The following NRG4 variants were observed in gnomAD, a reference collection of about 807,000 sequenced individuals.
The protein encoded by NRG4 is pro-neuregulin-4, membrane-bound isoform.
In NRG4, 10 loss-of-function variants were observed where a neutral mutation model predicts 15.0. The ratio of observed to expected loss-of-function variants is 0.67; its 90% confidence interval spans 0.41 to 1.13. NRG4 has a LOEUF of 1.13. Among genes scored for constraint, NRG4 ranks in the 50% most tolerant of loss-of-function variants. The pLI is 0.00. For synonymous variants in NRG4, 41 were observed against 50.1 expected, an observed-to-expected ratio of 0.82 and a Z score of 0.77; for missense variants, 139 against 140.2, an observed-to-expected ratio of 0.99 and a Z score of 0.04.
chr15:76,035,102 A>T (rs1030787051), intron 5 of NRG4, among the ~76,000 whole-genome samples: 1 of 152,210 alleles, frequency 6.6e-6, no homozygotes, highest in Non-Finnish European at 1.5e-5. Flanking sequence ...GTCTGGAGGT[A>T]GGTAGTCCAA....
intron 5 of NRG4, among the ~76,000 whole-genome samples, chr15:76,029,181 A>G (rs1450561474): frequency 1.3e-5 from 2 of 152,226 alleles, no homozygotes; most frequent in Non-Finnish European, 2.9e-5. Context: ...TATAATCAAC[A>G]GAATGAAGGA....
intron 2 of NRG4, 101 bp downstream of exon 2, chr15:76,011,120 G>A (rs772152058): frequency 5.0e-5 from 51 of 1,010,064 alleles, no homozygotes; most frequent in Non-Finnish European, 6.7e-5. Context: ...CAATGATGTT[G>A]GAAGGGAATA....
chr15:76,011,282 A>G lies in NRG4; in HGVS notation c.-52T>C. The G allele has an allele frequency of 7.2e-7, 1 of 1,383,726 alleles. No homozygotes were observed. The highest frequency in any genetic ancestry group is 9.5e-7 in the Non-Finnish European group (1 of 1,054,688). The allele number at this position is 1,383,726 out of a possible 1,614,324, so 85.7% of individuals were successfully genotyped here. ...GGTCAAGAGAGTAGGGTTGAAAAAC[A>G]GTACCTAAAACGGTTTAAAAAGTAA... On this transcript the variant is annotated 5_prime_UTR_variant, in exon 2 of 6. Coordinates refer to ENST00000394907, the MANE Select transcript of NRG4 (RefSeq NM_138573.4).
intron 5 of NRG4, among the ~76,000 whole-genome samples, chr15:76,035,105 T>C (rs956577984): frequency 6.6e-6 from 1 of 152,204 alleles, no homozygotes; most frequent in Admixed American, 6.5e-5. Flanking sequence ...TGGAGGTAGG[T>C]AGTCCAAAGC....
intron 4 of NRG4, among the ~76,000 whole-genome samples, chr15:75,957,732 AGACACACACACT>A (rs1162982557): frequency 1.3e-5 from 2 of 152,122 alleles, no homozygotes; most frequent in African/African-American, 2.4e-5. Context: ...AACATAAGGT[AGACACACACACT>A]CTGGTCACCA....
rs943407708 is a variant in NRG4, at chr15:75,977,725, C to T, written c.105-15751G>A. Reference sequence around the variant, plus strand: ...AATCACCTGCCTTCTGCATTGGTCTCGCTGGGAGCTGCAGACCAGAGCTGT... The same window carrying T: ...AATCACCTGCCTTCTGCATTGGTCTTGCTGGGAGCTGCAGACCAGAGCTGT... On this transcript the variant is annotated intron_variant, in intron 3 of 5. Transcript: ENST00000394907. This position sits in a 1 kb window ranked among gnomAD's most constrained non-coding sequence, Gnocchi z 4.9. Among the ~76,000 whole-genome samples the T allele has an allele frequency of 2.6e-5, 4 of 152,208 alleles. No individual in the cohort carries two copies. Among genetic ancestry groups the T allele is most frequent in the South Asian group, 2.1e-4 (1 of 4,824 alleles).
intron 5 of NRG4, among the ~76,000 whole-genome samples, chr15:76,023,130 CCACACA>C (rs10572540): frequency 0.072 from 8,656 of 119,978 alleles, 319 homozygotes; most frequent in Middle Eastern, 0.14. Flanking sequence ...CACCCATACT[CCACACA>C]CACACACACA....
At chr15:75,962,738 A>G (rs1202072899) in intron 3 of NRG4, among the ~76,000 whole-genome samples, 2 of 152,234 alleles carry the variant, frequency 1.3e-5, no homozygotes, top group Non-Finnish European at 2.9e-5. Flanking sequence ...TAAAACACAG[A>G]GATTGATATA....
At chr15:76,029,723 A>G (rs769639524) in intron 5 of NRG4, among the ~76,000 whole-genome samples, 1 of 152,250 alleles carries the variant, frequency 6.6e-6, no homozygotes, top group African/African-American at 2.4e-5. Flanking sequence ...TAACCAAAGA[A>G]GTAAAGGATC....
intron 2 of NRG4, among the ~76,000 whole-genome samples, chr15:76,009,762 A>G (rs978433245): frequency 1.1e-4 from 17 of 152,180 alleles, no homozygotes; most frequent in Admixed American, 1.1e-3. Context: ...TTTTATTTCC[A>G]AAGTTAACTT....
chr15:75,997,331 C>T (rs1375646448), intron 3 of NRG4, among the ~76,000 whole-genome samples: 1 of 151,912 alleles, frequency 6.6e-6, no homozygotes, highest in African/African-American at 2.4e-5. Flanking sequence ...TCTTCTTACC[C>T]TTCTTTGCTT....
chr15:75,965,326 T>C lies in NRG4; in HGVS notation c.105-3352A>G, dbSNP rs188187173. On this transcript the variant is annotated intron_variant, in intron 3 of 5. Transcript: ENST00000394907. ...GTTGGAAGGAGTCAAGGGAATGGTG[T>C]AAATACAAGTTTGTAATCAGATCAG... is the stretch of plus-strand genomic sequence containing the variant. Among the ~76,000 whole-genome samples, 4 of 152,288 alleles carry C rather than the reference T, an allele frequency of 2.6e-5. No individual in the cohort carries two copies. In the East Asian group the frequency reaches 7.7e-4, roughly 29 times the overall value.
chr15:75,970,574 C>T (rs2033044735), intron 3 of NRG4, among the ~76,000 whole-genome samples: 1 of 152,200 alleles, frequency 6.6e-6, no homozygotes, highest in African/African-American at 2.4e-5. Context: ...TCAGGGAGGG[C>T]CCTGGTGAAA....
intron 3 of NRG4, among the ~76,000 whole-genome samples, chr15:75,997,091 A>G (rs1361421980): frequency 2.6e-5 from 4 of 152,112 alleles, no homozygotes; most frequent in Non-Finnish European, 4.4e-5. Flanking sequence ...CAGAGAGCTG[A>G]TGTTATACAT....
At chr15:76,054,177 TCCCAGGCTCAAA>T (rs754260411) in intron 2 of NRG4, among the ~76,000 whole-genome samples, 1 of 150,208 alleles carries the variant, frequency 6.7e-6, no homozygotes, top group Non-Finnish European at 1.5e-5. Flanking sequence ...AACCTCTGCC[TCCCAGGCTCAAA>T]CCATCCTCCC....
intron 4 of NRG4, among the ~76,000 whole-genome samples, chr15:76,039,399 G>A (rs1478875045): frequency 2.6e-5 from 4 of 152,156 alleles, no homozygotes; most frequent in Admixed American, 2.6e-4. Flanking sequence ...AATTCTATCA[G>A]ATAAATTTAA....
At chr15:76,013,837 T>C (rs964525297), upstream of NRG4, among the ~76,000 whole-genome samples, 1 of 152,254 alleles carries the variant, frequency 6.6e-6, no homozygotes, top group Non-Finnish European at 1.5e-5. Flanking sequence ...GCATGATTTA[T>C]AATCCTTTGG....
intron 3 of NRG4, among the ~76,000 whole-genome samples, chr15:75,980,161 C>T (rs1317420978): frequency 6.6e-6 from 1 of 151,976 alleles, no homozygotes; most frequent in Admixed American, 6.6e-5. Flanking sequence ...TGAACAAGAA[C>T]CATGTTCAGT....
chr15:75,980,135 G>A lies in NRG4; in HGVS notation c.105-18161C>T, dbSNP rs951315415. Among the ~76,000 whole-genome samples the A allele has an allele frequency of 1.2e-4, 19 of 152,070 alleles. 1 individual carries two copies. Among genetic ancestry groups the A allele is most frequent in the African/African-American group, 4.3e-4 (18 of 41,424 alleles). ...ATGAGAAAGAATTTGGCTTAAAAAG[G>A]TCTACAAACTAGAATTGAACAAGAA... On this transcript the variant is annotated intron_variant, in intron 3 of 5. Transcript: ENST00000394907.
Sources: allele counts gnomAD v4.1 joint callset (sites outside exome capture counted in the v4.1 genomes callset), GRCh38; gene constraint gnomAD v4.1.1; non-coding constraint Gnocchi (gnomAD v3.1); transcripts MANE v1.5; gene names NCBI Gene and HGNC (gene_info 2026-07-23, HGNC 2026-07-21).